Variants in CRB1 observed in about 807,000 individuals in gnomAD.
CRB1 encodes the protein protein crumbs homolog 1.
In CRB1, 83 loss-of-function variants were observed where a neutral mutation model predicts 120.0. That is an observed-to-expected ratio of 0.69 (90% CI 0.58 to 0.83). The LOEUF is 0.83. Among genes scored for constraint, CRB1 ranks in the 40% least tolerant of loss-of-function variants. The probability of loss-of-function intolerance (pLI) is 0.00; values close to 1 mark genes in which losing one functional copy is unlikely to be tolerated. For synonymous variants in CRB1, 625 were observed against 612.5 expected, an observed-to-expected ratio of 1.02 and a Z score of -0.30; for missense variants, 1,699 against 1,687.6, an observed-to-expected ratio of 1.01 and a Z score of -0.12.
At chr1:197,299,322 G>T (rs1656729390) in intron 1 of CRB1, among the ~76,000 whole-genome samples, 1 of 152,078 alleles carries the variant, frequency 6.6e-6, no homozygotes, top group African/African-American at 2.4e-5. Flanking sequence ...ATCTAGATTG[G>T]TAAAAATGAT....
chr1:197,290,652 G>A (rs925995201), intron 1 of CRB1, among the ~76,000 whole-genome samples: 3 of 151,586 alleles, frequency 2.0e-5, no homozygotes, highest in Admixed American at 1.3e-4. Context: ...CATCCCCTGT[G>A]TTACCTGGTG....
chr1:197,356,686 A>T, intron 4 of CRB1, 145 bp from the exon 5 acceptor site: 2 of 777,934 alleles, frequency 2.6e-6, no homozygotes, highest in Non-Finnish European at 4.4e-6. Flanking sequence ...GCCTCCTCTT[A>T]CCAGATTCCC....
rs975234150 is a variant in CRB1, at chr1:197,408,836, A to C, written c.1172-12164A>C. Among the ~76,000 whole-genome samples, 14 of 152,362 alleles carry C rather than the reference A, an allele frequency of 9.2e-5. No homozygotes were observed. In the East Asian group the frequency reaches 2.7e-3, roughly 29 times the overall value. ...TTTCTCTGAAATTACTTTTCAAAGTAAAGTCAACAAGAGTGAGCATGTGCA... is the reference window on the plus strand; with the variant it reads ...TTTCTCTGAAATTACTTTTCAAAGTCAAGTCAACAAGAGTGAGCATGTGCA... On this transcript the variant is annotated intron_variant, in intron 5 of 11. Transcript: ENST00000367400.
chr1:197,307,143 CA>C lies in CRB1; in HGVS notation c.71-21278del, dbSNP rs537497656. Among the ~76,000 whole-genome samples the C allele has an allele frequency of 6.4e-4, 97 of 152,210 alleles. 1 individual carries two copies. The highest frequency in any genetic ancestry group is 6.0e-3 in the South Asian group (29 of 4,828). On this transcript the variant is annotated intron_variant, in intron 1 of 11. Coordinates refer to ENST00000367400, the MANE Select transcript of CRB1 (RefSeq NM_201253.3). ...TGCATTTTACATATAATAGTTTATG[CA>C]GAACTATATAGTTTTCACAGAACTT...
intron 1 of CRB1, among the ~76,000 whole-genome samples, chr1:197,270,374 G>A (rs1654841614): frequency 1.3e-5 from 2 of 152,240 alleles, no homozygotes; most frequent in South Asian, 4.2e-4. Flanking sequence ...CAGGGAGCTG[G>A]AATGCCTGGT....
chr1:197,321,923 A>G (rs1438200678), intron 1 of CRB1, among the ~76,000 whole-genome samples: 2 of 152,330 alleles, frequency 1.3e-5, no homozygotes, highest in Non-Finnish European at 2.9e-5. Context: ...CATGGCTACT[A>G]TAAGAAGAAT....
At chr1:197,442,783 T>G (rs1275278153) in intron 11 of CRB1, 2 of 231,358 alleles carry the variant, frequency 8.6e-6, no homozygotes, top group East Asian at 1.2e-4. Context: ...TATGATTCTA[T>G]TTTCATTTCT....
chr1:197,445,335 G>T (rs1178078979), intron 11 of CRB1, among the ~76,000 whole-genome samples: 1 of 152,122 alleles, frequency 6.6e-6, no homozygotes, highest in Non-Finnish European at 1.5e-5. Flanking sequence ...TGCGTACGTG[G>T]CAAGTGGGTT....
intron 1 of CRB1, among the ~76,000 whole-genome samples, chr1:197,312,496 T>C (rs544766933): frequency 1.4e-4 from 21 of 152,306 alleles, no homozygotes; most frequent in African/African-American, 5.1e-4. Context: ...GCAGGAGAAC[T>C]GCCTGAACCC....
intron 1 of CRB1, among the ~76,000 whole-genome samples, chr1:197,275,766 T>C (rs192946447): frequency 2.1e-4 from 32 of 152,176 alleles, no homozygotes; most frequent in African/African-American, 7.7e-4. Flanking sequence ...CTACTTTTTT[T>C]CACAAACTGC....
intron 11 of CRB1, among the ~76,000 whole-genome samples, chr1:197,455,885 G>T (rs759548765): frequency 1.1e-4 from 16 of 152,032 alleles, no homozygotes; most frequent in African/African-American, 3.1e-4. Flanking sequence ...GTAAACCGTA[G>T]AAATATTTTG....
chr1:197,278,463 T>C (rs1655344914), intron 1 of CRB1, among the ~76,000 whole-genome samples: 1 of 151,934 alleles, frequency 6.6e-6, no homozygotes, highest in Admixed American at 6.6e-5. Context: ...AGACATTCAT[T>C]TTAGGACACA....
At chr1:197,384,474 C>T (rs997010523) in intron 5 of CRB1, among the ~76,000 whole-genome samples, 4 of 152,096 alleles carry the variant, frequency 2.6e-5, no homozygotes, top group Non-Finnish European at 5.9e-5. Flanking sequence ...TGTTTGCAAG[C>T]GTTTCCGTTT....
At chr1:197,474,772 A>G (rs1175905419) in intron 11 of CRB1, among the ~76,000 whole-genome samples, 2 of 152,206 alleles carry the variant, frequency 1.3e-5, no homozygotes, top group Non-Finnish European at 2.9e-5. Context: ...GAGAACCGCC[A>G]TTTACTCCAA....
chr1:197,340,344 T>C (rs1459851195), intron 2 of CRB1, among the ~76,000 whole-genome samples: 1 of 152,136 alleles, frequency 6.6e-6, no homozygotes, highest in African/African-American at 2.4e-5. Context: ...GCCACTGCTG[T>C]GGGTGGCACC....
chr1:197,303,358 C>T (rs1417528693), intron 1 of CRB1, among the ~76,000 whole-genome samples: 1 of 143,928 alleles, frequency 6.9e-6, no homozygotes, highest in Non-Finnish European at 1.5e-5. Flanking sequence ...GTTCAATTCC[C>T]ACCTATGAGT....
At chr1:197,320,902 T>C (rs1035753457) in intron 1 of CRB1, among the ~76,000 whole-genome samples, 2 of 152,246 alleles carry the variant, frequency 1.3e-5, no homozygotes, top group Non-Finnish European at 2.9e-5. Flanking sequence ...AGAGCCATCC[T>C]TATACTTTTA....
the CRB1 span, among the ~76,000 whole-genome samples, chr1:197,246,751 T>C: frequency 2.0e-5 from 3 of 152,130 alleles, no homozygotes; most frequent in Admixed American, 1.3e-4. Flanking sequence ...AACGTTTTAA[T>C]GCACATAGTT....
intron 5 of CRB1, among the ~76,000 whole-genome samples, chr1:197,374,529 T>C (rs1363169905): frequency 6.6e-6 from 1 of 152,082 alleles, no homozygotes; most frequent in Non-Finnish European, 1.5e-5. Context: ...AGCTAGTAAC[T>C]TGAGATCTCA....
Sources: allele counts gnomAD v4.1 joint callset (sites outside exome capture counted in the v4.1 genomes callset), GRCh38; gene constraint gnomAD v4.1.1; transcripts MANE v1.5; gene names NCBI Gene and HGNC (gene_info 2026-07-23, HGNC 2026-07-21).